UTRN: variants seen among roughly 807,000 people sequenced by gnomAD.
UTRN encodes the protein utrophin.
In UTRN, 283 loss-of-function variants were observed where a neutral mutation model predicts 463.9. The ratio of observed to expected loss-of-function variants is 0.61; its 90% confidence interval spans 0.55 to 0.67. The LOEUF is 0.67. Ranked by LOEUF, UTRN falls within the 30% of genes least tolerant of loss-of-function variation. The pLI is 0.00. For synonymous variants in UTRN, 1,442 were observed against 1,431.5 expected, an observed-to-expected ratio of 1.01 and a Z score of -0.17; for missense variants, 3,922 against 4,084.3, an observed-to-expected ratio of 0.96 and a Z score of 1.08.
intron 59 of UTRN, among the ~76,000 whole-genome samples, chr6:144,773,806 T>C (rs935067422): frequency 6.6e-6 from 1 of 152,240 alleles, no homozygotes. Flanking sequence ...CAGGAGAATC[T>C]TCAGGAGAGA....
intron 52 of UTRN, among the ~76,000 whole-genome samples, chr6:144,699,452 AAT>A (rs1784347903): frequency 9.8e-6 from 1 of 101,614 alleles, no homozygotes; most frequent in East Asian, 3.4e-4. Flanking sequence ...AAAAAAAAAT[AAT>A]AATAATAATT....
chr6:144,563,652 T>G (rs1490313053), intron 50 of UTRN, among the ~76,000 whole-genome samples: 1 of 152,188 alleles, frequency 6.6e-6, no homozygotes, highest in Non-Finnish European at 1.5e-5. Context: ...AAAATCACCT[T>G]TATTTTTCAA....
At chr6:144,405,673 GCA>G (rs1202493680) in intron 3 of UTRN, among the ~76,000 whole-genome samples, 13 of 152,262 alleles carry the variant, frequency 8.5e-5, no homozygotes, top group South Asian at 2.1e-4. Context: ...GACACTGATG[GCA>G]CCTTCTGCCA....
intron 23 of UTRN, among the ~76,000 whole-genome samples, chr6:144,471,537 T>G (rs1343779057): frequency 6.6e-6 from 1 of 152,380 alleles, no homozygotes; most frequent in Admixed American, 6.5e-5. Context: ...ACTCTGTGAA[T>G]GTATTCACAC....
At chr6:144,541,138 A>G (rs1055173514) in intron 45 of UTRN, among the ~76,000 whole-genome samples, 1 of 152,208 alleles carries the variant, frequency 6.6e-6, no homozygotes, top group Non-Finnish European at 1.5e-5. Context: ...AATTCAGATC[A>G]AGTGACTTAT....
chr6:144,577,411 C>T lies in UTRN; in HGVS notation c.7479+123C>T, dbSNP rs1585362914. The T allele has an allele frequency of 4.0e-6, 4 of 1,006,784 alleles. No homozygotes were observed. In the East Asian group the frequency reaches 1.0e-4, roughly 26 times the overall value. The allele number at this position is 1,006,784 out of a possible 1,614,324, so 62.4% of individuals were successfully genotyped here. On this transcript the variant is annotated intron_variant, in intron 51 of 74. Transcript: ENST00000367545. ...ACTTTATTCTCTTATGAAATCCGTG[C>T]TCTCCTGTGAATAATAGGTTTCTTG...
At chr6:144,693,468 A>C (rs1403301201) in intron 52 of UTRN, among the ~76,000 whole-genome samples, 2 of 152,196 alleles carry the variant, frequency 1.3e-5, no homozygotes, top group Non-Finnish European at 2.9e-5. Context: ...TTGAATTTAT[A>C]AGTTACTTTG....
rs778763344 is a variant in UTRN, at chr6:144,531,061, C to T, written c.5916C>T (p.Asp1972=). ...GTGTATTGTCCTCTAGTTGTTTTGA[C>T]AGGGCAATGGAAGAATGGAGACAGT... ...RMYSDRKGCF[D]RAMEEWRQFH... is the part of the protein sequence containing the mutation. The change falls in exon 42 of 75, where the codon GAC becomes GAT. Residue 1972 remains aspartate, a synonymous_variant. Transcript: ENST00000367545. 8 of 1,613,484 alleles carry T rather than the reference C, an allele frequency of 5.0e-6. No homozygotes were observed. In the Admixed American group the frequency reaches 8.3e-5, roughly 17 times the overall value.
Position 144,539,419 on chromosome 6 carries a change from G to T in UTRN, c.6495G>T (p.Arg2165Ser), listed in dbSNP as rs1014893968. Residue 2165 changes from arginine (R) to serine (S), a missense_variant, in exon 45 of 75, where the codon AGG (arginine) becomes AGT (serine). Arg to Ser is a moderately radical substitution (Grantham distance 110). Coordinates refer to ENST00000367545, the MANE Select transcript of UTRN (RefSeq NM_007124.3). The stretch of plus-strand genomic sequence containing the variant: ...GGGATAAAATTTCAGAAAGCTTAAG[G>T]ACTGTAAATATGACATGGAATAAGG... Reference protein sequence around the residue: ...PERDKISESLRTVNMTWNKIC... With the variant: ...PERDKISESLSTVNMTWNKIC... The T allele has an allele frequency of 1.9e-6, 3 of 1,610,490 alleles. No homozygotes were observed. The highest frequency in any genetic ancestry group is 2.7e-5 in the African/African-American group (2 of 74,720).
chr6:144,717,622 CTTTTCTT>C (rs1211042661), intron 53 of UTRN, among the ~76,000 whole-genome samples: 3 of 124,548 alleles, frequency 2.4e-5, no homozygotes, highest in Non-Finnish European at 3.2e-5. Flanking sequence ...TTTTCTTTTT[CTTTTCTT>C]TTTTCTTTTT....
At chr6:144,475,943 G>T (rs1014536964) in intron 25 of UTRN, among the ~76,000 whole-genome samples, 5 of 151,660 alleles carry the variant, frequency 3.3e-5, no homozygotes, top group African/African-American at 1.2e-4. Context: ...GGGCATGGTG[G>T]TGTGCGCCTA....
At chr6:144,415,512 T>G (rs1374229589) in intron 3 of UTRN, among the ~76,000 whole-genome samples, 1 of 152,198 alleles carries the variant, frequency 6.6e-6, no homozygotes, top group Non-Finnish European at 1.5e-5. Context: ...TTTTTGTAGA[T>G]TTTTTTCTAT....
chr6:144,643,449 T>C (rs1585743570), intron 51 of UTRN, among the ~76,000 whole-genome samples: 1 of 152,226 alleles, frequency 6.6e-6, no homozygotes, highest in Admixed American at 6.5e-5. Flanking sequence ...TATTGGATAG[T>C]CATGTTGTTC....
intron 2 of UTRN, among the ~76,000 whole-genome samples, chr6:144,393,689 T>G (rs745327453): frequency 6.6e-6 from 1 of 151,928 alleles, no homozygotes. Context: ...GAGGTTTGAA[T>G]GTTCAAAAAA....
chr6:144,815,302 C>T (rs187209653), intron 65 of UTRN, among the ~76,000 whole-genome samples: 40 of 152,280 alleles, frequency 2.6e-4, no homozygotes, highest in East Asian at 1.3e-3. Flanking sequence ...AAATGTTAGA[C>T]ATGGTGATGT....
chr6:144,418,218 CT>C (rs36107882), intron 3 of UTRN, among the ~76,000 whole-genome samples: 106 of 139,568 alleles, frequency 7.6e-4, no homozygotes, highest in African/African-American at 1.9e-3. Context: ...ATTTATATTT[CT>C]TTTTTTTTTT....
chr6:144,646,650 C>T (rs71564481), intron 51 of UTRN, among the ~76,000 whole-genome samples: 205 of 152,030 alleles, frequency 1.3e-3, no homozygotes, highest in Middle Eastern at 3.4e-3. Flanking sequence ...GGAGGTTTTC[C>T]TAAGTCAAGA....
At chr6:144,779,758 A>G in intron 60 of UTRN, among the ~76,000 whole-genome samples, 1 of 152,216 alleles carries the variant, frequency 6.6e-6, no homozygotes, top group Admixed American at 6.5e-5. Context: ...TACAGGGCAA[A>G]GAAATGAGGT....
intron 33 of UTRN, among the ~76,000 whole-genome samples, chr6:144,494,364 C>T (rs1393075890): frequency 2.0e-5 from 3 of 152,084 alleles, no homozygotes; most frequent in African/African-American, 7.2e-5. Flanking sequence ...GTTGTTCGTT[C>T]CTCCCAGTGG....
Sources: gnomAD v4.1 joint callset for allele counts (sites outside exome capture counted in the v4.1 genomes callset) on GRCh38, gnomAD v4.1.1 for gene constraint, MANE v1.5 for transcripts, NCBI Gene and HGNC (gene_info 2026-07-23, HGNC 2026-07-21) for gene names.